TIAM1: variants seen among roughly 807,000 people sequenced by gnomAD.
The protein encoded by TIAM1 is rho guanine nucleotide exchange factor TIAM1.
Under a neutral mutation model 163.5 loss-of-function variants are expected in TIAM1, and 65 were observed. That is an observed-to-expected ratio of 0.40 (90% CI 0.33 to 0.49). TIAM1 has a LOEUF of 0.49. Among genes scored for constraint, TIAM1 ranks in the 20% least tolerant of loss-of-function variants. The probability of loss-of-function intolerance (pLI) is 0.77; values close to 1 mark genes in which losing one functional copy is unlikely to be tolerated. For missense variants in TIAM1, 1,789 were observed against 2,044.7 expected (o/e 0.87, Z 2.41); for synonymous variants, 833 against 810.1 (o/e 1.03, Z -0.48).
At chr21:31,324,171 T>C (rs950455118) in intron 2 of TIAM1, among the ~76,000 whole-genome samples, 1 of 152,018 alleles carries the variant, frequency 6.6e-6, no homozygotes, top group Non-Finnish European at 1.5e-5. Context: ...AATGACTGCG[T>C]GCGTGGAAAA....
intron 2 of TIAM1, among the ~76,000 whole-genome samples, chr21:31,321,151 G>C (rs551369312): frequency 6.6e-6 from 1 of 152,022 alleles, no homozygotes; most frequent in African/African-American, 2.4e-5. Context: ...AGGGGGCGGG[G>C]GGGGATGACC....
intron 2 of TIAM1, among the ~76,000 whole-genome samples, chr21:31,369,496 C>G (rs573187094): frequency 2.0e-5 from 3 of 152,122 alleles, no homozygotes; most frequent in Admixed American, 1.3e-4. Flanking sequence ...AGATCTATAC[C>G]ACTATAGGGT....
intron 3 of TIAM1, among the ~76,000 whole-genome samples, chr21:31,271,368 A>G (rs527239107): frequency 3.7e-4 from 57 of 152,338 alleles, no homozygotes; most frequent in African/African-American, 1.3e-3. Flanking sequence ...AGCACACATC[A>G]GTCTTAAATA....
chr21:31,281,085 CAAAAAAAAAA>C lies in TIAM1; in HGVS notation c.-188-4187_-188-4178del, dbSNP rs748020575. On this transcript the variant is annotated intron_variant, in intron 2 of 27. Transcript: ENST00000541036. ...TGGGCAACAAAGTGAGACCCTAACT[CAAAAAAAAAA>C]AAAAAAAAAAAAACAACGACAAAAA... is the stretch of plus-strand genomic sequence containing the variant. Among the ~76,000 whole-genome samples the C allele has an allele frequency of 1.1e-3, 72 of 63,736 alleles. 1 individual carries two copies. Among genetic ancestry groups the C allele is most frequent in the African/African-American group, 3.2e-3 (54 of 16,960 alleles). 41.8% of individuals were successfully genotyped at this position (63,736 alleles called of 152,430 possible).
chr21:31,410,304 G>T (rs1454204014), intron 2 of TIAM1, among the ~76,000 whole-genome samples: 1 of 151,788 alleles, frequency 6.6e-6, no homozygotes, highest in Non-Finnish European at 1.5e-5. Flanking sequence ...TGTGTGTAAT[G>T]AGACAGTGTG....
chr21:31,400,215 C>G (rs565075881), intron 2 of TIAM1, among the ~76,000 whole-genome samples: 2 of 152,010 alleles, frequency 1.3e-5, no homozygotes, highest in Non-Finnish European at 2.9e-5. Context: ...GCAACCTCCA[C>G]CCCCTGGGTT....
intron 2 of TIAM1, among the ~76,000 whole-genome samples, chr21:31,368,670 A>C (rs983905083): frequency 2.0e-5 from 3 of 152,214 alleles, no homozygotes; most frequent in African/African-American, 7.2e-5. Flanking sequence ...GACCGTCCCC[A>C]GTATACTTAT....
intron 1 of TIAM1, among the ~76,000 whole-genome samples, chr21:31,544,321 G>T (rs902342203): frequency 3.3e-5 from 2 of 60,900 alleles, no homozygotes; most frequent in African/African-American, 7.7e-5. Flanking sequence ...AGGATGAAAA[G>T]CCCATTTCTT....
intron 1 of TIAM1, among the ~76,000 whole-genome samples, chr21:31,510,719 C>T (rs939893489): frequency 6.6e-6 from 1 of 151,574 alleles, no homozygotes; most frequent in African/African-American, 2.4e-5. Context: ...GAGGCTGAGA[C>T]GGGAGAATTG....
At chr21:31,290,951 C>T (rs527788171) in intron 2 of TIAM1, among the ~76,000 whole-genome samples, 1 of 152,278 alleles carries the variant, frequency 6.6e-6, no homozygotes, top group Admixed American at 6.5e-5. Flanking sequence ...ATAGCACTAG[C>T]GCTCACTAGG....
chr21:31,549,705 C>T (rs2048618193), intron 1 of TIAM1, among the ~76,000 whole-genome samples: 1 of 152,172 alleles, frequency 6.6e-6, no homozygotes, highest in Non-Finnish European at 1.5e-5. Context: ...ACTCTTTATG[C>T]ACTGCTGGTG....
chr21:31,493,119 C>G lies in TIAM1; in HGVS notation c.-421-29084G>C, dbSNP rs1026551279. Among the ~76,000 whole-genome samples, 3 of 152,128 alleles carry G rather than the reference C, an allele frequency of 2.0e-5. 1 individual carries two copies. The South Asian group carries it at 6.2e-4, about 32-fold the overall frequency. ...TTTATTAAGCTCAATCCTGCGTAAT[C>G]TGAGGGCCAACTACATTCCAGGTAC... On this transcript the variant is annotated intron_variant, in intron 1 of 28. Transcript: ENST00000286827.
At chr21:31,535,694 T>C (rs537896129) in intron 1 of TIAM1, among the ~76,000 whole-genome samples, 2 of 152,010 alleles carry the variant, frequency 1.3e-5, no homozygotes, top group South Asian at 4.2e-4. Flanking sequence ...TGCCCCAGTC[T>C]CTCCCAGAGC....
At chr21:31,368,626 A>G (rs976578998) in intron 2 of TIAM1, among the ~76,000 whole-genome samples, 3 of 152,202 alleles carry the variant, frequency 2.0e-5, no homozygotes, top group African/African-American at 7.2e-5. Context: ...ACAGATCCCA[A>G]AAGGCAGGCA....
chr21:31,361,878 TAGAC>T (rs61444599), intron 2 of TIAM1, among the ~76,000 whole-genome samples: 10,894 of 149,142 alleles, frequency 0.073, 570 homozygotes, highest in East Asian at 0.24. Context: ...GATAGATAGA[TAGAC>T]AGACATGTGT....
At chr21:31,284,452 G>A (rs566291014) in intron 2 of TIAM1, among the ~76,000 whole-genome samples, 9 of 152,134 alleles carry the variant, frequency 5.9e-5, no homozygotes, top group Non-Finnish European at 1.0e-4. Context: ...CACACAGCAG[G>A]GGGGGTGGAG....
At chr21:31,357,770 A>G (rs1464313375) in intron 2 of TIAM1, among the ~76,000 whole-genome samples, 1 of 152,216 alleles carries the variant, frequency 6.6e-6, no homozygotes, top group Admixed American at 6.5e-5. Flanking sequence ...CCGGTTTATA[A>G]AGCCAATGTT....
chr21:31,267,718 G>C (rs2072863266), intron 3 of TIAM1, among the ~76,000 whole-genome samples: 1 of 151,956 alleles, frequency 6.6e-6, no homozygotes, highest in Non-Finnish European at 1.5e-5. Flanking sequence ...ATGGAGGGGT[G>C]GTGGGGATGG....
At chr21:31,251,055 A>AT (rs933228763) in intron 5 of TIAM1, among the ~76,000 whole-genome samples, 2 of 152,202 alleles carry the variant, frequency 1.3e-5, no homozygotes, top group Non-Finnish European at 2.9e-5. Flanking sequence ...TATTCTACCA[A>AT]TTTTTTCCTT....
Sources: allele counts gnomAD v4.1 joint callset (sites outside exome capture counted in the v4.1 genomes callset), GRCh38; gene constraint gnomAD v4.1.1; transcripts MANE v1.5; gene names NCBI Gene and HGNC (gene_info 2026-07-23, HGNC 2026-07-21).